Variants in HIPK2 observed in about 807,000 individuals in gnomAD.
HIPK2 encodes the protein homeodomain-interacting protein kinase 2.
In HIPK2, 27 loss-of-function variants were observed where a neutral mutation model predicts 113.7. That is an observed-to-expected ratio of 0.24 (90% CI 0.17 to 0.33). The LOEUF (loss-of-function observed/expected upper bound fraction) is 0.33. Ranked by LOEUF, HIPK2 falls within the 10% of genes least tolerant of loss-of-function variation. The pLI is 1.00. For missense variants in HIPK2, 1,257 were observed against 1,588.0 expected (o/e 0.79, Z 3.54); for synonymous variants, 631 against 642.2 (o/e 0.98, Z 0.26).
chr7:139,662,550 GTGT>G (rs1263358155), intron 2 of HIPK2, among the ~76,000 whole-genome samples: 6 of 152,008 alleles, frequency 3.9e-5, no homozygotes, highest in Non-Finnish European at 8.8e-5. Flanking sequence ...TATACCAGGG[GTGT>G]ACAAGCCTGT....
chr7:139,724,801 G>A (rs541730520), intron 1 of HIPK2, among the ~76,000 whole-genome samples: 8 of 150,484 alleles, frequency 5.3e-5, no homozygotes, highest in Non-Finnish European at 8.8e-5. Context: ...TTGTCCTTGC[G>A]ATAGTCTACT....
chr7:139,702,165 T>C (rs1410152056), intron 2 of HIPK2, among the ~76,000 whole-genome samples: 2 of 152,156 alleles, frequency 1.3e-5, no homozygotes, highest in Non-Finnish European at 2.9e-5. Flanking sequence ...CGGGAGAGGC[T>C]GGGCAGCCTG....
At chr7:139,691,460 T>C (rs978509364) in intron 2 of HIPK2, among the ~76,000 whole-genome samples, 14 of 152,226 alleles carry the variant, frequency 9.2e-5, no homozygotes, top group African/African-American at 3.4e-4. Context: ...GTCTTGCTCT[T>C]TTGCAACCCT....
intron 11 of HIPK2, among the ~76,000 whole-genome samples, chr7:139,599,375 G>C (rs1247148437): frequency 6.6e-6 from 1 of 152,310 alleles, no homozygotes; most frequent in Admixed American, 6.5e-5. Flanking sequence ...TTCCCCTCAG[G>C]ATTCTTCGCA....
chr7:139,659,396 C>G (rs1453842744), intron 2 of HIPK2, among the ~76,000 whole-genome samples: 1 of 152,090 alleles, frequency 6.6e-6, no homozygotes, highest in African/African-American at 2.4e-5. Flanking sequence ...GTAGGAGCAG[C>G]CTTTTTTGAG....
At chr7:139,601,122 T>C (rs1799410405) in intron 10 of HIPK2, among the ~76,000 whole-genome samples, 1 of 151,838 alleles carries the variant, frequency 6.6e-6, no homozygotes, top group Non-Finnish European at 1.5e-5. Context: ...GGTGCACCTA[T>C]GGGCCCAGCT....
At chr7:139,688,602 GCTA>G (rs964690848) in intron 2 of HIPK2, among the ~76,000 whole-genome samples, 1 of 152,138 alleles carries the variant, frequency 6.6e-6, no homozygotes, top group African/African-American at 2.4e-5. Flanking sequence ...GGGCTGGTAG[GCTA>G]CTTATTTTCA....
rs1437408305 is a variant in HIPK2, at chr7:139,714,319, G to A, written c.1103+1613C>T. Among the ~76,000 whole-genome samples, 1 of 152,230 alleles carries A rather than the reference G, an allele frequency of 6.6e-6. No homozygotes were observed. The highest frequency in any genetic ancestry group is 6.5e-5 in the Admixed American group (1 of 15,288). ...AGAGGCCTCGAAACCTCCTGTGTGA[G>A]TCAGGATTAGGATGAAAGGAGACGG... On this transcript the variant is annotated intron_variant, in intron 2 of 14. Coordinates refer to ENST00000406875, the MANE Select transcript of HIPK2 (RefSeq NM_022740.5). The surrounding 1 kb of genome is among the most constrained non-coding windows in gnomAD (Gnocchi z 4.2).
intron 2 of HIPK2, among the ~76,000 whole-genome samples, chr7:139,642,587 T>A (rs1801064315): frequency 6.6e-6 from 1 of 152,156 alleles, no homozygotes; most frequent in Non-Finnish European, 1.5e-5. Flanking sequence ...CAAGTGGAGA[T>A]GTAGATGGCC....
chr7:139,584,388 C>A (rs1288450738), intron 12 of HIPK2, among the ~76,000 whole-genome samples: 1 of 152,220 alleles, frequency 6.6e-6, no homozygotes, highest in Non-Finnish European at 1.5e-5. Flanking sequence ...GAGGCACCTG[C>A]AGCCCAGAGC....
At chr7:139,774,918 C>A (rs935270684) in intron 1 of HIPK2, among the ~76,000 whole-genome samples, 1 of 152,202 alleles carries the variant, frequency 6.6e-6, no homozygotes, top group Non-Finnish European at 1.5e-5. Flanking sequence ...TTCAAGCAAG[C>A]CCTGGAAGAC....
Position 139,563,987 on chromosome 7 carries a change from C to A in HIPK2, c.*8940G>T. 2.5e-6 allele frequency: 1 copy of A among 398,520 alleles called. No individual in the cohort carries two copies. The highest frequency in any genetic ancestry group is 1.3e-4 in the South Asian group (1 of 7,838). The allele number at this position is 398,520 out of a possible 1,614,324, so 24.7% of individuals were successfully genotyped here. A position where few individuals can be genotyped will look rare whatever the true frequency, so the allele number is the denominator to read the frequency against. On this transcript the variant is annotated 3_prime_UTR_variant, in exon 15 of 15. Coordinates refer to ENST00000406875, the MANE Select transcript of HIPK2 (RefSeq NM_022740.5). ...ATGACAGTGGGGCCCATTCCTGTCTCGAAGCATCTTCTTGTTCCAAATATG... is the reference window on the plus strand; with the variant it reads ...ATGACAGTGGGGCCCATTCCTGTCTAGAAGCATCTTCTTGTTCCAAATATG...
At chr7:139,759,027 T>C (rs867921232) in intron 1 of HIPK2, among the ~76,000 whole-genome samples, 1 of 151,820 alleles carries the variant, frequency 6.6e-6, no homozygotes, top group South Asian at 2.1e-4. Flanking sequence ...AAAACATGCA[T>C]GATCAACTGG....
At chr7:139,704,780 C>A (rs552849521) in intron 2 of HIPK2, among the ~76,000 whole-genome samples, 22 of 152,290 alleles carry the variant, frequency 1.4e-4, no homozygotes, top group African/African-American at 5.1e-4. Flanking sequence ...ACCCCCAAGG[C>A]CTCCAGCGCC....
intron 2 of HIPK2, among the ~76,000 whole-genome samples, chr7:139,636,050 G>C (rs1365702756): frequency 6.6e-6 from 1 of 152,128 alleles, no homozygotes; most frequent in Non-Finnish European, 1.5e-5. Context: ...ATTGGAGTTG[G>C]ACACTCTGCG....
chr7:139,740,496 C>G (rs556105154), intron 1 of HIPK2, among the ~76,000 whole-genome samples: 46 of 152,344 alleles, frequency 3.0e-4, no homozygotes, highest in Non-Finnish European at 5.4e-4. Context: ...TGCTCCTGGT[C>G]AAAGCCTCGG....
intron 1 of HIPK2, among the ~76,000 whole-genome samples, chr7:139,764,824 ATTTG>A (rs1213409082): frequency 1.3e-5 from 2 of 152,102 alleles, no homozygotes; most frequent in African/African-American, 4.8e-5. Flanking sequence ...TGGTGGTTTG[ATTTG>A]TTTAATATAA....
In HIPK2 at chr7:139,742,506, C is replaced by CT. The variant is rs905654485; in HGVS notation, c.20-25492dup. Among the ~76,000 whole-genome samples, 321 of 149,898 alleles carry CT rather than the reference C, an allele frequency of 2.1e-3. 2 individuals carry two copies. The highest frequency in any genetic ancestry group is 7.9e-4 in the Non-Finnish European group (53 of 67,254). ...AAATTTATTTACCAAAGGGAAACTTCTTTTTTTTTTCTCCATACAAAACAC... is the reference window on the plus strand; with the variant it reads ...AAATTTATTTACCAAAGGGAAACTTCTTTTTTTTTTTCTCCATACAAAACAC... On this transcript the variant is annotated intron_variant, in intron 1 of 14. Coordinates refer to ENST00000406875, the MANE Select transcript of HIPK2 (RefSeq NM_022740.5).
At position 139,583,900 on chromosome 7, in the gene HIPK2, G is replaced by A. The variant is rs770533498; in HGVS notation, c.2882C>T (p.Thr961Met). 15 of 1,613,786 alleles carry A rather than the reference G, an allele frequency of 9.3e-6. No homozygotes were observed. In the East Asian group the frequency reaches 1.1e-4, roughly 12 times the overall value. ...DTKGSLENHC[T>M]GNPRTIIVPP... ...CACGATGATGGTTCGGGGGTTCCCC[G>A]TGCAGTGATTCTCCAGGCTCCCCTT... is the stretch of plus-strand genomic sequence containing the variant. Residue 961 changes from threonine to methionine, a missense_variant, in exon 13 of 15, where the codon ACG becomes ATG. Physicochemically the swap from Thr to Met is moderately conservative, Grantham distance 81 (BLOSUM62 -1). Transcript: ENST00000406875.
Sources: allele counts gnomAD v4.1 joint callset (sites outside exome capture counted in the v4.1 genomes callset), GRCh38; gene constraint gnomAD v4.1.1; non-coding constraint Gnocchi (gnomAD v3.1); transcripts MANE v1.5; gene names NCBI Gene and HGNC (gene_info 2026-07-23, HGNC 2026-07-21).